Variants in PRKCE observed in about 807,000 individuals in gnomAD.
PRKCE encodes protein kinase C epsilon type.
PRKCE carries 16 observed loss-of-function variants against 85.4 expected under a neutral mutation model. That is an observed-to-expected ratio of 0.19 (90% confidence interval 0.13 to 0.28). The LOEUF (loss-of-function observed/expected upper bound fraction) is 0.28. Ranked by LOEUF, PRKCE falls within the 10% of genes least tolerant of loss-of-function variation. The pLI is 1.00. For synonymous variants in PRKCE, 388 were observed against 371.5 expected (o/e 1.04, Z -0.51); for missense variants, 573 against 975.2 (o/e 0.59, Z 5.49).
Position 46,105,421 on chromosome 2 carries a change from A to G in PRKCE, c.1592+19059A>G, listed in dbSNP as rs753350403. 2.1e-4 allele frequency among the ~76,000 whole-genome samples: 31 copies of G among 150,488 alleles called. No individual in the cohort carries two copies. In the Middle Eastern group the frequency reaches 0.014, roughly 67 times the overall value. On this transcript the variant is annotated intron_variant, in intron 11 of 14. Transcript: ENST00000306156. ...CATGCCTGCTGGCATAGCTGCAACA[A>G]CAACTTCACAAATTATCTTTATCTT...
intron 2 of PRKCE, among the ~76,000 whole-genome samples, chr2:45,929,688 T>C (rs2104026748): frequency 6.6e-6 from 1 of 152,318 alleles, no homozygotes; most frequent in East Asian, 1.9e-4. Flanking sequence ...ATTGCAGGGA[T>C]ACTGTCTTCT....
At chr2:45,860,621 G>A (rs1693079212) in intron 2 of PRKCE, among the ~76,000 whole-genome samples, 1 of 152,214 alleles carries the variant, frequency 6.6e-6, no homozygotes, top group Non-Finnish European at 1.5e-5. Context: ...ATGTGCATGT[G>A]AGTGCTGGGG....
chr2:46,138,348 C>T lies in PRKCE; in HGVS notation c.1593-6745C>T, dbSNP rs904240794. On this transcript the variant is annotated intron_variant, in intron 11 of 14. Transcript: ENST00000306156. This position sits in a 1 kb window ranked among gnomAD's most constrained non-coding sequence, Gnocchi z 4.2. ...TGTCATTTTATCTAATAGGTGGTCACGGGCAGTTATGTAGGGTCAGCCCAC... is the reference window on the plus strand; with the variant it reads ...TGTCATTTTATCTAATAGGTGGTCATGGGCAGTTATGTAGGGTCAGCCCAC... Among the ~76,000 whole-genome samples the T allele has an allele frequency of 6.6e-6, 1 of 152,210 alleles. No homozygotes were observed. Among genetic ancestry groups the T allele is most frequent in the Non-Finnish European group, 1.5e-5 (1 of 68,032 alleles).
chr2:46,002,506 C>T (rs753254329), intron 7 of PRKCE, among the ~76,000 whole-genome samples: 1 of 152,220 alleles, frequency 6.6e-6, no homozygotes, highest in Non-Finnish European at 1.5e-5. Context: ...ACCCGTGGCT[C>T]TTCCATGTTG....
At chr2:45,931,837 G>T (rs1282349926) in intron 2 of PRKCE, among the ~76,000 whole-genome samples, 2 of 152,058 alleles carry the variant, frequency 1.3e-5, no homozygotes, top group East Asian at 3.9e-4. Context: ...CTCCTCAATA[G>T]CTGGGACTAC....
At chr2:45,929,600 C>T (rs1489578265) in intron 2 of PRKCE, among the ~76,000 whole-genome samples, 1 of 152,090 alleles carries the variant, frequency 6.6e-6, no homozygotes, top group Non-Finnish European at 1.5e-5. Flanking sequence ...TCTTCCAAAG[C>T]TAAAAACTTA....
chr2:45,869,297 A>T (rs956880221), intron 2 of PRKCE, among the ~76,000 whole-genome samples: 8 of 152,232 alleles, frequency 5.3e-5, no homozygotes, highest in Admixed American at 1.3e-4. Context: ...TATCCTTATG[A>T]CCAAGATACT....
intron 1 of PRKCE, among the ~76,000 whole-genome samples, chr2:45,724,770 C>A (rs112075182): frequency 0.012 from 1,798 of 152,276 alleles, 26 homozygotes; most frequent in African/African-American, 0.041. Context: ...AGAGCAAGGC[C>A]CTAACTCTCT....
At chr2:45,807,417 T>C (rs1340524025) in intron 1 of PRKCE, among the ~76,000 whole-genome samples, 1 of 152,202 alleles carries the variant, frequency 6.6e-6, no homozygotes, top group Non-Finnish European at 1.5e-5. Flanking sequence ...AGGCGATGTG[T>C]TTCACACAGA....
chr2:45,983,660 G>A (rs1007342251), intron 5 of PRKCE, among the ~76,000 whole-genome samples: 2 of 152,126 alleles, frequency 1.3e-5, no homozygotes, highest in South Asian at 2.1e-4. Context: ...GTGAAGTTGC[G>A]GTAACCATGG....
chr2:46,135,447 T>C (rs901777810), intron 11 of PRKCE, among the ~76,000 whole-genome samples: 1 of 152,214 alleles, frequency 6.6e-6, no homozygotes, highest in Non-Finnish European at 1.5e-5. Flanking sequence ...TCAAACTCTT[T>C]TTCCTCATCT....
At chr2:46,153,398 C>G (rs1351616025) in intron 13 of PRKCE, among the ~76,000 whole-genome samples, 1 of 152,096 alleles carries the variant, frequency 6.6e-6, no homozygotes, top group Non-Finnish European at 1.5e-5. Context: ...TGCTTACAGA[C>G]TAGTGAATAA....
intron 2 of PRKCE, among the ~76,000 whole-genome samples, chr2:45,906,603 C>A (rs1696993373): frequency 6.6e-6 from 1 of 152,126 alleles, no homozygotes; most frequent in African/African-American, 2.4e-5. Flanking sequence ...GATTCCAGGG[C>A]CGTCCTTTGA....
intron 1 of PRKCE, among the ~76,000 whole-genome samples, chr2:45,670,667 C>T (rs1395806175): frequency 6.6e-6 from 1 of 152,150 alleles, no homozygotes; most frequent in Non-Finnish European, 1.5e-5. Flanking sequence ...ATAGGGTTCC[C>T]TGCACTCAAT....
At chr2:45,747,271 TTAAG>T (rs753595985) in intron 1 of PRKCE, among the ~76,000 whole-genome samples, 12 of 152,222 alleles carry the variant, frequency 7.9e-5, no homozygotes, top group Non-Finnish European at 1.3e-4. Context: ...TTCAGTGGCT[TTAAG>T]TGAGTTTGCA....
In PRKCE at chr2:45,774,997, T is replaced by A. The variant is rs546156611; in HGVS notation, c.349-68003T>A. On this transcript the variant is annotated intron_variant, in intron 1 of 14. Coordinates refer to ENST00000306156, the MANE Select transcript of PRKCE (RefSeq NM_005400.3). The surrounding 1 kb of genome is among the most constrained non-coding windows in gnomAD (Gnocchi z 4.3). ...AGCAGCGTAGACACTTCTCAGTTAT[T>A]TACAAGTGGATTCCTCTGCCTTCTG... Among the ~76,000 whole-genome samples, 17 of 152,110 alleles carry A rather than the reference T, an allele frequency of 1.1e-4. No individual in the cohort carries two copies. Among genetic ancestry groups the A allele is most frequent in the Non-Finnish European group, 1.8e-4 (12 of 68,016 alleles).
At chr2:45,753,467 A>T (rs1683751722) in intron 1 of PRKCE, among the ~76,000 whole-genome samples, 1 of 151,400 alleles carries the variant, frequency 6.6e-6, no homozygotes, top group Non-Finnish European at 1.5e-5. Context: ...GTATTCCAAT[A>T]TACCAAAAAA....
chr2:45,790,070 T>C (rs1445298953), intron 1 of PRKCE, among the ~76,000 whole-genome samples: 1 of 152,184 alleles, frequency 6.6e-6, no homozygotes, highest in African/African-American at 2.4e-5. Flanking sequence ...ACAAGTGGTT[T>C]GTGGAAAGAT....
At chr2:45,790,953 G>A (rs1426090650) in intron 1 of PRKCE, among the ~76,000 whole-genome samples, 1 of 152,212 alleles carries the variant, frequency 6.6e-6, no homozygotes. Flanking sequence ...CCTCTAGAAA[G>A]GCGTGTAGGC....
Sources: gnomAD v4.1 joint callset for allele counts (sites outside exome capture counted in the v4.1 genomes callset) on GRCh38, gnomAD v4.1.1 for gene constraint, Gnocchi (gnomAD v3.1) non-coding constraint, MANE v1.5 for transcripts, NCBI Gene and HGNC (gene_info 2026-07-23, HGNC 2026-07-21) for gene names.